Variants in GPC5 observed in about 807,000 individuals in gnomAD.
GPC5 encodes the protein glypican 5, also known as glypican-5.
In GPC5, 47 loss-of-function variants were observed where a neutral mutation model predicts 53.9. The ratio of observed to expected loss-of-function variants is 0.87; its 90% CI spans 0.69 to 1.11. The LOEUF (loss-of-function observed/expected upper bound fraction) is 1.11. GPC5 is among the 50% of genes most tolerant of loss of function. The probability of loss-of-function intolerance (pLI) is 0.00; values close to 1 mark genes in which losing one functional copy is unlikely to be tolerated. For missense variants in GPC5, 748 were observed against 713.1 expected (o/e 1.05, Z -0.56); for synonymous variants, 286 against 263.3 (o/e 1.09, Z -0.84).
intron 2 of GPC5, among the ~76,000 whole-genome samples, chr13:91,566,581 T>A (rs976846684): frequency 6.6e-6 from 1 of 151,766 alleles, no homozygotes; most frequent in Non-Finnish European, 1.5e-5. Context: ...AACAAAAAAA[T>A]TTCTGAACTA....
At chr13:92,112,200 A>G (rs1294787940) in intron 6 of GPC5, among the ~76,000 whole-genome samples, 1 of 152,130 alleles carries the variant, frequency 6.6e-6, no homozygotes, top group Non-Finnish European at 1.5e-5. Flanking sequence ...AGAATTTAGA[A>G]ATGAAAAGAG....
At chr13:92,458,016 C>T (rs1321203842) in intron 7 of GPC5, among the ~76,000 whole-genome samples, 1 of 152,096 alleles carries the variant, frequency 6.6e-6, no homozygotes, top group African/African-American at 2.4e-5. Context: ...GTTTTCAGTT[C>T]TTCAAAGCAT....
intron 5 of GPC5, among the ~76,000 whole-genome samples, chr13:91,770,534 A>G (rs1259202960): frequency 2.0e-5 from 3 of 152,306 alleles, no homozygotes; most frequent in Middle Eastern, 3.4e-3. Context: ...AGGAAACTCC[A>G]GAGGATTTAG....
chr13:91,836,931 A>G (rs893063192), intron 5 of GPC5, among the ~76,000 whole-genome samples: 3 of 151,348 alleles, frequency 2.0e-5, no homozygotes, highest in African/African-American at 7.2e-5. Context: ...ATTTGGCCAA[A>G]TTATTTGCTA....
rs1451220804 is a variant in GPC5, at chr13:91,402,359, T to G, written c.163+3150T>G. On this transcript the variant is annotated intron_variant, in intron 1 of 7. Transcript: ENST00000377067. ...GTGAAATTTTAATACTAAAAGACAC[T>G]GTAAGCAGTGCTCTGAAGTTGTTGT... Among the ~76,000 whole-genome samples the G allele has an allele frequency of 2.0e-5, 3 of 152,342 alleles. No individual in the cohort carries two copies. The East Asian group carries it at 5.8e-4, about 29-fold the overall frequency.
At chr13:92,723,424 C>T (rs1007868972) in intron 7 of GPC5, among the ~76,000 whole-genome samples, 1 of 50,552 alleles carries the variant, frequency 2.0e-5, no homozygotes, top group African/African-American at 8.8e-5. Flanking sequence ...ATGATTTGTA[C>T]TTAGAGTTCA....
At chr13:92,346,568 C>T (rs1208959755) in intron 7 of GPC5, among the ~76,000 whole-genome samples, 1 of 152,092 alleles carries the variant, frequency 6.6e-6, no homozygotes, top group Admixed American at 6.5e-5. Flanking sequence ...CTATTCCTGC[C>T]AAATAACACT....
chr13:92,771,156 A>G (rs1875598585), intron 7 of GPC5, among the ~76,000 whole-genome samples: 1 of 152,036 alleles, frequency 6.6e-6, no homozygotes, highest in Non-Finnish European at 1.5e-5. Flanking sequence ...GTCAGGGATA[A>G]AAGTCTGTCC....
At chr13:92,677,765 C>G (rs1252820738) in intron 7 of GPC5, among the ~76,000 whole-genome samples, 2 of 144,168 alleles carry the variant, frequency 1.4e-5, no homozygotes, top group African/African-American at 4.9e-5. Flanking sequence ...TGCCTGAAAC[C>G]TGACGCCACC....
At chr13:91,822,511 A>G (rs1409130891) in intron 5 of GPC5, among the ~76,000 whole-genome samples, 1 of 152,218 alleles carries the variant, frequency 6.6e-6, no homozygotes, top group Non-Finnish European at 1.5e-5. Context: ...TAATATTAAC[A>G]TTCTTTGTGA....
intron 2 of GPC5, among the ~76,000 whole-genome samples, chr13:91,498,878 G>T (rs2139286806): frequency 6.6e-6 from 1 of 152,170 alleles, no homozygotes; most frequent in South Asian, 2.1e-4. Flanking sequence ...GGCTGAGGCA[G>T]GAGAATCACT....
chr13:92,298,280 C>T lies in GPC5; in HGVS notation c.1561+153291C>T, dbSNP rs192438716. Reference sequence around the variant, plus strand: ...CTGCGAAAGTAAATACGGCTTTCCTCCTTCCCCTGACTGTGGATTCTGCAC... The same window carrying T: ...CTGCGAAAGTAAATACGGCTTTCCTTCTTCCCCTGACTGTGGATTCTGCAC... On this transcript the variant is annotated intron_variant, in intron 7 of 7. Coordinates refer to ENST00000377067, the MANE Select transcript of GPC5 (RefSeq NM_004466.6). 3.5e-4 allele frequency among the ~76,000 whole-genome samples: 54 copies of T among 152,294 alleles called. 1 individual carries two copies. In the East Asian group the frequency reaches 0.01, roughly 29 times the overall value.
chr13:92,723,263 G>C (rs1344473713), intron 7 of GPC5, among the ~76,000 whole-genome samples: 2 of 102,908 alleles, frequency 1.9e-5, no homozygotes, highest in East Asian at 1.0e-3. Context: ...TTATTTGCAG[G>C]AATGAAATAC....
At chr13:92,623,223 T>A (rs563189260) in intron 7 of GPC5, among the ~76,000 whole-genome samples, 1 of 151,094 alleles carries the variant, frequency 6.6e-6, no homozygotes, top group Non-Finnish European at 1.5e-5. Context: ...AATGTTTAGG[T>A]AAAGAGCAAG....
chr13:92,392,467 C>A (rs1875051400), intron 7 of GPC5, among the ~76,000 whole-genome samples: 1 of 152,114 alleles, frequency 6.6e-6, no homozygotes, highest in South Asian at 2.1e-4. Flanking sequence ...ACAACCTAAG[C>A]AATACCATCC....
At chr13:91,873,133 T>G (rs1475519479) in intron 5 of GPC5, among the ~76,000 whole-genome samples, 1 of 152,338 alleles carries the variant, frequency 6.6e-6, no homozygotes, top group African/African-American at 2.4e-5. Flanking sequence ...GCAATTGCCA[T>G]AGAAAATCTA....
chr13:91,399,066 C>A lies in GPC5; in HGVS notation c.20C>A (p.Pro7His), dbSNP rs769981633. Residue 7 changes from proline to histidine, a missense_variant, in exon 1 of 8, where the codon CCC becomes CAC. Coordinates refer to ENST00000377067, the MANE Select transcript of GPC5 (RefSeq NM_004466.6). ...GCGAGGATGGACGCACAGACCTGGC[C>A]CGTGGGCTTTCGCTGCCTCCTCCTT... MDAQTWPVGFRCLLLLA... is the reference protein window; with the variant it reads MDAQTWHVGFRCLLLLA... 2 of 1,566,834 alleles carry A rather than the reference C, an allele frequency of 1.3e-6. No homozygotes were observed. The highest frequency in any genetic ancestry group is 3.8e-5 in the Admixed American group (2 of 52,974).
chr13:92,034,052 A>G (rs767017859), intron 6 of GPC5, among the ~76,000 whole-genome samples: 1 of 152,212 alleles, frequency 6.6e-6, no homozygotes, highest in Non-Finnish European at 1.5e-5. Context: ...AAAGAAAAGG[A>G]AAGAGTGACA....
At chr13:92,339,756 A>T (rs895383912) in intron 7 of GPC5, 1 of 152,114 alleles carries the variant, frequency 6.6e-6, no homozygotes, top group Non-Finnish European at 1.5e-5. Context: ...GCAGATCTTG[A>T]CATTCTCAAA....
Sources: allele counts gnomAD v4.1 joint callset (sites outside exome capture counted in the v4.1 genomes callset), GRCh38; gene constraint gnomAD v4.1.1; transcripts MANE v1.5; gene names NCBI Gene and HGNC (gene_info 2026-07-23, HGNC 2026-07-21).